POM121: variants seen among roughly 807,000 people sequenced by gnomAD.
The protein encoded by POM121 is nuclear envelope pore membrane protein POM 121.
POM121 carries 32 observed loss-of-function variants against 81.3 expected under a neutral mutation model. The observed-to-expected ratio is 0.39, with a 90% CI of 0.30 to 0.53. POM121 has a LOEUF of 0.53. Among genes scored for constraint, POM121 ranks in the 20% least tolerant of loss-of-function variants. POM121 has a pLI of 0.66. For missense variants in POM121, 1,138 were observed against 1,614.6 expected, an observed-to-expected ratio of 0.70 and a Z score of 5.06; for synonymous variants, 514 against 694.2, an observed-to-expected ratio of 0.74 and a Z score of 4.08.
Position 72,943,206 on chromosome 7 carries a change from C to T in POM121, c.3213C>T (p.Ser1071=), listed in dbSNP as rs376762742. Residue 1071 remains serine (S), a synonymous_variant, in exon 11 of 13, where the codon TCC becomes TCT. Coordinates refer to ENST00000434423, the MANE Select transcript of POM121 (RefSeq NM_001387691.1). ...TCTTCTTCGGTGCAGCCACCAGCTCCGGCTTTGGAGCCACCACCCAGACCG... is the reference window on the plus strand; with the variant it reads ...TCTTCTTCGGTGCAGCCACCAGCTCTGGCTTTGGAGCCACCACCCAGACCG... The part of the protein sequence containing the change: ...TAVFFGAATS[S]GFGATTQTAS... 73 of 1,613,030 alleles carry T rather than the reference C, an allele frequency of 4.5e-5. No homozygotes were observed. Among genetic ancestry groups the T allele is most frequent in the Middle Eastern group, 1.7e-4 (1 of 5,828 alleles).
At chr7:72,889,937 A>C (rs1791136115) in intron 1 of POM121, among the ~76,000 whole-genome samples, 1 of 152,212 alleles carries the variant, frequency 6.6e-6, no homozygotes, top group South Asian at 2.1e-4. Flanking sequence ...CTTCAAGTTA[A>C]CTGAGTCTGT....
At chr7:72,913,606 C>T (rs1427686071) in intron 3 of POM121, among the ~76,000 whole-genome samples, 5 of 152,188 alleles carry the variant, frequency 3.3e-5, no homozygotes, top group Admixed American at 2.0e-4. Context: ...GCATAGAAGA[C>T]ACGACCCAGA....
intron 3 of POM121, among the ~76,000 whole-genome samples, chr7:72,894,439 G>A (rs1429033737): frequency 5.3e-5 from 8 of 151,896 alleles, no homozygotes; most frequent in African/African-American, 1.5e-4. Flanking sequence ...TTAGCTGGGC[G>A]TGGTGGCAGG....
chr7:72,889,510 C>CT (rs1344309439), intron 1 of POM121, among the ~76,000 whole-genome samples: 171 of 143,558 alleles, frequency 1.2e-3, no homozygotes, highest in South Asian at 2.9e-3. Context: ...TTGCATTTTT[C>CT]TTTTTTTTTT....
chr7:72,889,571 TTCACAGC>T (rs1157250168), intron 1 of POM121, among the ~76,000 whole-genome samples: 1 of 152,064 alleles, frequency 6.6e-6, no homozygotes, highest in African/African-American at 2.4e-5. Context: ...CAGTGTTGCA[TTCACAGC>T]TCACTGTAGC....
At chr7:72,912,672 G>A (rs1342018547) in intron 3 of POM121, among the ~76,000 whole-genome samples, 1 of 152,134 alleles carries the variant, frequency 6.6e-6, no homozygotes, top group Non-Finnish European at 1.5e-5. Context: ...CCAGCTACTT[G>A]GGAGGCTGAG....
At position 72,938,514 on chromosome 7, in the gene POM121, G is replaced by T. The variant is rs781882169; in HGVS notation, c.1276-76G>T. The T allele has an allele frequency of 2.3e-4, 338 of 1,474,292 alleles. 1 individual carries two copies. The highest frequency in any genetic ancestry group is 2.9e-4 in the Non-Finnish European group (309 of 1,055,572). The allele number at this position is 1,474,292 out of a possible 1,614,324, so 91.3% of individuals were successfully genotyped here. On this transcript the variant is annotated intron_variant, in intron 5 of 12. Transcript: ENST00000434423. ...ATAAAGAATGTTTTTTTAGTCACTT[G>T]AAAAGAGACTTTGTCGTGTTGAGGG...
downstream of POM121, chr7:72,948,805 T>C: frequency 6.5e-7 from 1 of 1,544,684 alleles, no homozygotes; most frequent in Non-Finnish European, 8.9e-7. Context: ...GGGCGGGAGC[T>C]AGCCTGCAAG....
chr7:72,901,423 C>T (rs1328430806), intron 3 of POM121, among the ~76,000 whole-genome samples: 21 of 149,710 alleles, frequency 1.4e-4, no homozygotes, highest in Non-Finnish European at 2.5e-4. Flanking sequence ...GGTGTGATCT[C>T]GGCTCACTGC....
intron 3 of POM121, among the ~76,000 whole-genome samples, chr7:72,903,220 G>T (rs763042530): frequency 2.6e-5 from 4 of 152,228 alleles, no homozygotes; most frequent in Non-Finnish European, 5.9e-5. Context: ...CAGATTGCCT[G>T]AGGTCTGGAG....
chr7:72,897,196 G>A (rs797029424), intron 3 of POM121, among the ~76,000 whole-genome samples: 7 of 152,222 alleles, frequency 4.6e-5, no homozygotes, highest in African/African-American at 1.7e-4. Context: ...GTGTCAAATG[G>A]TGACAATTAC....
At chr7:72,937,231 G>C (rs1207779882) in intron 5 of POM121, among the ~76,000 whole-genome samples, 3 of 151,172 alleles carry the variant, frequency 2.0e-5, no homozygotes, top group Admixed American at 6.6e-5. Flanking sequence ...CTCCAGCCTG[G>C]TAACAGAGCA....
At position 72,946,663 on chromosome 7, in the gene POM121, G is replaced by A. The variant is rs236653; in HGVS notation, c.*429G>A. The stretch of plus-strand genomic sequence containing the variant: ...ATGGGATTTGGGAAATGGGCTATCC[G>A]TAAAGCTTTATCTTGCTTGGCTTAG... On this transcript the variant is annotated 3_prime_UTR_variant, in exon 13 of 13. Coordinates refer to ENST00000434423, the MANE Select transcript of POM121 (RefSeq NM_001387691.1). The A allele has an allele frequency of 8.1e-6, 8 of 987,054 alleles. No individual in the cohort carries two copies. Among genetic ancestry groups the A allele is most frequent in the African/African-American group, 1.8e-5 (1 of 56,258 alleles). The allele number at this position is 987,054 out of a possible 1,614,324, so 61.1% of individuals were successfully genotyped here.
exon 3 of POM121, chr7:72,890,978 C>G: frequency 7.8e-7 from 1 of 1,277,352 alleles, no homozygotes; most frequent in Non-Finnish European, 1.1e-6. Flanking sequence ...TGAAGCCGAG[C>G]AACTTGCCCA....
At chr7:72,909,042 T>G (rs1396130959) in intron 3 of POM121, among the ~76,000 whole-genome samples, 2 of 152,196 alleles carry the variant, frequency 1.3e-5, no homozygotes, top group Non-Finnish European at 2.9e-5. Flanking sequence ...CCATGAAATC[T>G]TCACAATTTA....
intron 1 of POM121, among the ~76,000 whole-genome samples, chr7:72,880,955 A>G (rs1790083593): frequency 9.3e-6 from 1 of 107,392 alleles, no homozygotes; most frequent in African/African-American, 3.0e-5. Flanking sequence ...CTTGTATTTG[A>G]TGATGATGGC....
chr7:72,908,092 CTTAG>C (rs1793445988), intron 3 of POM121, among the ~76,000 whole-genome samples: 1 of 152,066 alleles, frequency 6.6e-6, no homozygotes, highest in Non-Finnish European at 1.5e-5. Flanking sequence ...GAGTTTTTTA[CTTAG>C]TTATTGTAAT....
intron 3 of POM121, chr7:72,891,201 A>G (rs1438470950): frequency 7.5e-5 from 43 of 571,606 alleles, no homozygotes; most frequent in Non-Finnish European, 1.0e-4. Context: ...CGGTACCCTC[A>G]GTAACACCTC....
chr7:72,931,280 T>C (rs374748525), intron 5 of POM121, among the ~76,000 whole-genome samples: 1 of 152,176 alleles, frequency 6.6e-6, no homozygotes, highest in Non-Finnish European at 1.5e-5. Context: ...GACAGATAGC[T>C]TCATTGCTTT....
Sources: allele counts gnomAD v4.1 joint callset (sites outside exome capture counted in the v4.1 genomes callset), GRCh38; gene constraint gnomAD v4.1.1; transcripts MANE v1.5; gene names NCBI Gene and HGNC (gene_info 2026-07-23, HGNC 2026-07-21).